UPF2: variants seen among roughly 807,000 people sequenced by gnomAD.
UPF2 encodes the protein regulator of nonsense transcripts 2.
A neutral mutation model predicts 141.4 loss-of-function variants in UPF2; 17 were observed. The observed-to-expected ratio is 0.12, with a 90% CI of 0.08 to 0.18. UPF2 has a LOEUF of 0.18. Among genes scored for constraint, UPF2 ranks in the 10% least tolerant of loss-of-function variants. UPF2 has a pLI of 1.00. For missense variants in UPF2, 1,152 were observed against 1,515.9 expected (o/e 0.76, Z 3.99); for synonymous variants, 540 against 498.0 (o/e 1.08, Z -1.12).
chr10:12,018,202 C>T (rs1358036910), intron 3 of UPF2, among the ~76,000 whole-genome samples: 1 of 152,150 alleles, frequency 6.6e-6, no homozygotes, highest in Non-Finnish European at 1.5e-5. Context: ...AATCCTAGCA[C>T]TTTGGGAGGC....
At position 12,010,556 on chromosome 10, in the gene UPF2, C is replaced by T. The variant is rs112246311; in HGVS notation, c.1306+3468G>A. On this transcript the variant is annotated intron_variant, in intron 4 of 21. Transcript: ENST00000357604. The stretch of plus-strand genomic sequence containing the variant: ...CAAAAGGAAAGGCAGGAAAAAATAA[C>T]GAAGAACAAAAAGGAAAGGACATCA... 1.7e-3 allele frequency among the ~76,000 whole-genome samples: 257 copies of T among 152,012 alleles called. 1 individual carries two copies. The highest frequency in any genetic ancestry group is 5.7e-3 in the African/African-American group (238 of 41,490).
rs11257451 is a variant in UPF2, at chr10:11,965,585, A to G, written c.2068-1460T>C. On this transcript the variant is annotated intron_variant, in intron 10 of 21. Coordinates refer to ENST00000357604, the MANE Select transcript of UPF2 (RefSeq NM_015542.4). ...TGCCATTCTCCTGCCTCAGCCTCCC[A>G]AGTAGCTGGGACTACAGGTGCCTGC... 0.015 allele frequency among the ~76,000 whole-genome samples: 2,283 copies of G among 152,134 alleles called. 106 individuals are homozygous for G. In the East Asian group the frequency reaches 0.16, roughly 11 times the overall value.
Position 12,028,751 on chromosome 10 carries a change from T to C in UPF2, c.1139A>G (p.Gln380Arg). Residue 380 changes from glutamine to arginine, a missense_variant, in exon 3 of 22, where the codon CAA becomes CGA. Coordinates refer to ENST00000357604, the MANE Select transcript of UPF2 (RefSeq NM_015542.4). ...DHRELQNTER[Q>R]NRRILHSKGE... is the part of the protein sequence containing the mutation. ...AGAAACATTTGAAAATCACCTGTTTTGTCTCTCAGTATTCTGGAGCTCCCT... is the reference window on the plus strand; with the variant it reads ...AGAAACATTTGAAAATCACCTGTTTCGTCTCTCAGTATTCTGGAGCTCCCT... 1.3e-6 allele frequency: 2 copies of C among 1,572,720 alleles called. No individual in the cohort carries two copies. The highest frequency in any genetic ancestry group is 1.7e-6 in the Non-Finnish European group (2 of 1,163,086).
intron 8 of UPF2, among the ~76,000 whole-genome samples, chr10:11,985,501 G>A (rs1212974462): frequency 6.6e-6 from 1 of 151,840 alleles, no homozygotes; most frequent in Non-Finnish European, 1.5e-5. Context: ...GCTGGGCGTG[G>A]TGGAGGGCGC....
chr10:12,034,697 C>T (rs1262710753), intron 2 of UPF2, among the ~76,000 whole-genome samples: 4 of 151,732 alleles, frequency 2.6e-5, no homozygotes, highest in African/African-American at 7.3e-5. Context: ...CCCAGCTACT[C>T]GGGAGGCTGA....
intron 8 of UPF2, among the ~76,000 whole-genome samples, chr10:11,995,634 T>G (rs1833853151): frequency 6.6e-6 from 1 of 151,990 alleles, no homozygotes; most frequent in African/African-American, 2.4e-5. Context: ...AATATAAAAA[T>G]TAGCCGGGCA....
chr10:11,927,658 A>G (rs1276253488), intron 21 of UPF2, among the ~76,000 whole-genome samples: 1 of 152,206 alleles, frequency 6.6e-6, no homozygotes, highest in Non-Finnish European at 1.5e-5. Context: ...AAATAACCTA[A>G]TATCTTATTG....
chr10:12,028,716 C>A (rs781346318), intron 3 of UPF2, 29 bp downstream of exon 3: 1 of 1,542,534 alleles, frequency 6.5e-7, no homozygotes, highest in Non-Finnish European at 8.7e-7. Context: ...AAAATAAATT[C>A]TCAACTCTGA....
intron 15 of UPF2, 94 bp downstream of exon 15, chr10:11,951,972 C>T: frequency 7.8e-7 from 1 of 1,275,960 alleles, no homozygotes; most frequent in Non-Finnish European, 1.1e-6. Flanking sequence ...AGAAAAGATA[C>T]AATGTAAGCT....
intron 9 of UPF2, among the ~76,000 whole-genome samples, chr10:11,971,331 C>T (rs1296245551): frequency 2.0e-5 from 3 of 151,570 alleles, no homozygotes; most frequent in Non-Finnish European, 4.4e-5. Flanking sequence ...CTCGGCTCAC[C>T]GCAACCTCCG....
chr10:12,038,643 C>T (rs1446549646), intron 1 of UPF2, among the ~76,000 whole-genome samples: 1 of 150,766 alleles, frequency 6.6e-6, no homozygotes, highest in Non-Finnish European at 1.5e-5. Context: ...GCAAGAGAAT[C>T]GCTTGAACCC....
In UPF2 at chr10:11,959,104, C is replaced by G. The variant is rs1833199917; in HGVS notation, c.2370+67G>C. 2.0e-6 allele frequency: 3 copies of G among 1,483,642 alleles called. No homozygotes were observed. Among genetic ancestry groups the G allele is most frequent in the Middle Eastern group, 3.7e-4 (2 of 5,458 alleles). 91.9% of individuals were successfully genotyped at this position (1,483,642 alleles called of 1,614,324 possible). On this transcript the variant is annotated intron_variant, in intron 12 of 21. Coordinates refer to ENST00000357604, the MANE Select transcript of UPF2 (RefSeq NM_015542.4). This position sits in a 1 kb window ranked among gnomAD's most constrained non-coding sequence, Gnocchi z 5.9. ...GCTCTACCCCCACTTCTCCTAGACTCTACATAAGCTTAGCACTACCACAAA... is the reference window on the plus strand; with the variant it reads ...GCTCTACCCCCACTTCTCCTAGACTGTACATAAGCTTAGCACTACCACAAA...
chr10:11,941,921 A>G (rs1244768307), intron 18 of UPF2, among the ~76,000 whole-genome samples: 1 of 152,274 alleles, frequency 6.6e-6, no homozygotes, highest in African/African-American at 2.4e-5. Flanking sequence ...TACATTAAAC[A>G]ACTAGCATTT....
chr10:11,952,069 G>C lies in UPF2; in HGVS notation c.3031C>G (p.Leu1011Val). Residue 1011 changes from leucine to valine, a missense_variant, in exon 15 of 22, where the codon CTA becomes GTA. Physicochemically the swap from Leu to Val is conservative, Grantham distance 32. Around this residue, in one of 4 missense-constraint regions of UPF2, gnomAD observed 202 missense variants for 223.6 expected, o/e 0.90. Coordinates refer to ENST00000357604, the MANE Select transcript of UPF2 (RefSeq NM_015542.4). The stretch of plus-strand genomic sequence containing the variant: ...CTGTCTGCAATCAATTGCTTACCTA[G>C]TTTTATTAAGAATTCTCGTTCCAAG... ...QDLEREFLIK[L>V]GLVNDKDSKD... 6.2e-7 allele frequency: 1 copy of C among 1,613,294 alleles called. No homozygotes were observed. The highest frequency in any genetic ancestry group is 8.5e-7 in the Non-Finnish European group (1 of 1,179,648).
chr10:12,017,527 C>T (rs1324843036), intron 3 of UPF2, among the ~76,000 whole-genome samples: 2 of 152,168 alleles, frequency 1.3e-5, no homozygotes, highest in African/African-American at 4.8e-5. Context: ...CTTTCCAGTT[C>T]CTCTCCAGTA....
At chr10:11,994,849 G>A (rs1183138407) in intron 8 of UPF2, among the ~76,000 whole-genome samples, 2 of 151,512 alleles carry the variant, frequency 1.3e-5, no homozygotes, top group African/African-American at 4.8e-5. Context: ...GGTGGCAGGC[G>A]CCTGTAGTCC....
chr10:12,014,007 T>C lies in UPF2; in HGVS notation c.1306+17A>G, dbSNP rs779151180. The C allele has an allele frequency of 6.6e-7, 1 of 1,509,564 alleles. No homozygotes were observed. Among genetic ancestry groups the C allele is most frequent in the South Asian group, 1.3e-5 (1 of 76,298 alleles). 93.5% of individuals were successfully genotyped at this position (1,509,564 alleles called of 1,614,324 possible). Reference sequence around the variant, plus strand: ...CTTACAGAAAACACAATGTTTGTTTTTAAGGATATCTCTTACCTTCTGGTG... The same window carrying C: ...CTTACAGAAAACACAATGTTTGTTTCTAAGGATATCTCTTACCTTCTGGTG... On this transcript the variant is annotated intron_variant, in intron 4 of 21. Coordinates refer to ENST00000357604, the MANE Select transcript of UPF2 (RefSeq NM_015542.4). This position sits in a 1 kb window ranked among gnomAD's most constrained non-coding sequence, Gnocchi z 5.0.
intron 8 of UPF2, among the ~76,000 whole-genome samples, chr10:11,989,494 AG>A (rs112214018): frequency 2.6e-5 from 4 of 152,310 alleles, no homozygotes; most frequent in African/African-American, 7.2e-5. Context: ...TAACAGTCAA[AG>A]CTATGTATAA....
Position 11,959,324 on chromosome 10 carries a change from A to G in UPF2, c.2217T>C (p.His739=). The G allele has an allele frequency of 6.3e-7, 1 of 1,588,524 alleles. No homozygotes were observed. Among genetic ancestry groups the G allele is most frequent in the South Asian group, 1.2e-5 (1 of 86,588 alleles). Residue 739 remains histidine, a synonymous_variant, in exon 12 of 22, where the codon CAT becomes CAC. Transcript: ENST00000357604. The surrounding 1 kb of genome is among the most constrained non-coding windows in gnomAD (Gnocchi z 5.9). The part of the protein sequence containing the change: ...EQMMRKKQAM[H]LDARYVTMVE... ...CCATTGTGACGTATCTCGCATCAAG[A>G]TGCATTGCTTGCTTCTTTCTCATCA...
Sources: allele counts gnomAD v4.1 joint callset (sites outside exome capture counted in the v4.1 genomes callset), GRCh38; gene constraint gnomAD v4.1.1; regional missense constraint gnomAD v4.1.1; non-coding constraint Gnocchi (gnomAD v3.1); transcripts MANE v1.5; gene names NCBI Gene and HGNC (gene_info 2026-07-23, HGNC 2026-07-21).